Variants in MYO18B observed in about 807,000 individuals in gnomAD.
MYO18B encodes the protein unconventional myosin-XVIIIb.
A neutral mutation model predicts 273.0 loss-of-function variants in MYO18B; 204 were observed. The observed-to-expected ratio is 0.75, with a 90% confidence interval of 0.67 to 0.84. The LOEUF is 0.84. Ranked by LOEUF, MYO18B falls within the 40% of genes least tolerant of loss-of-function variation. The pLI is 0.00. For missense variants in MYO18B, 3,212 were observed against 3,287.6 expected (o/e 0.98, Z 0.56); for synonymous variants, 1,330 against 1,305.7 (o/e 1.02, Z -0.40).
intron 42 of MYO18B, among the ~76,000 whole-genome samples, chr22:26,009,673 T>C (rs1299770400): frequency 6.6e-6 from 1 of 152,144 alleles, no homozygotes; most frequent in African/African-American, 2.4e-5. Context: ...TTCATGGAAC[T>C]CTATCTGCTT....
intron 10 of MYO18B, among the ~76,000 whole-genome samples, chr22:25,783,075 T>A (rs8138167): frequency 0.53 from 80,052 of 152,082 alleles, 22,013 homozygotes; most frequent in East Asian, 0.61. Flanking sequence ...TAAAATATGA[T>A]CAGGCAGACA....
At chr22:26,017,889 A>G (rs1935488618) in intron 42 of MYO18B, among the ~76,000 whole-genome samples, 1 of 151,116 alleles carries the variant, frequency 6.6e-6, no homozygotes, top group Admixed American at 6.6e-5. Flanking sequence ...CTTATTATTA[A>G]CATCTTGCAT....
At chr22:25,779,950 T>C in intron 8 of MYO18B, 106 bp from the exon 9 acceptor site, 1 of 1,387,994 alleles carries the variant, frequency 7.2e-7, no homozygotes, top group Non-Finnish European at 9.5e-7. Flanking sequence ...GAGGCCAGGA[T>C]GGGGACTGGC....
intron 19 of MYO18B, among the ~76,000 whole-genome samples, chr22:25,846,521 G>T (rs1335669423): frequency 1.3e-5 from 2 of 152,214 alleles, no homozygotes; most frequent in African/African-American, 4.8e-5. Flanking sequence ...TGTGCTGCTT[G>T]GTGTTGAGTT....
chr22:25,955,448 G>A (rs1467594284), intron 39 of MYO18B, 84 bp downstream of exon 39: 3 of 1,422,194 alleles, frequency 2.1e-6, no homozygotes, highest in African/African-American at 2.8e-5. Flanking sequence ...TTCTGAATGG[G>A]AGACTCATAG....
intron 33 of MYO18B, among the ~76,000 whole-genome samples, chr22:25,918,524 C>G (rs1330635031): frequency 6.6e-6 from 1 of 152,132 alleles, no homozygotes; most frequent in African/African-American, 2.4e-5. Flanking sequence ...ATTTTTTGCC[C>G]TCCTCTCTGT....
intron 15 of MYO18B, among the ~76,000 whole-genome samples, chr22:25,831,659 A>G (rs1365741366): frequency 3.3e-5 from 5 of 152,212 alleles, no homozygotes; most frequent in Non-Finnish European, 7.3e-5. Context: ...CTTGGATTAC[A>G]GGCATGAGCC....
At chr22:25,823,360 G>A (rs2089355990) in intron 12 of MYO18B, 145 bp from the exon 13 acceptor site, 5 of 826,046 alleles carry the variant, frequency 6.1e-6, no homozygotes, top group Non-Finnish European at 9.3e-6. Flanking sequence ...TAGGGGCCCA[G>A]GCCTGGGCAG....
At chr22:26,031,343 A>G (rs1208129858), downstream of MYO18B, among the ~76,000 whole-genome samples, 1 of 152,122 alleles carries the variant, frequency 6.6e-6, no homozygotes, top group African/African-American at 2.4e-5. Context: ...GTGACAAAGT[A>G]CCATAGCTGG....
intron 39 of MYO18B, 119 bp from the exon 40 acceptor site, chr22:25,992,244 A>T (rs1325788493): frequency 7.9e-7 from 1 of 1,267,716 alleles, no homozygotes; most frequent in Non-Finnish European, 1.1e-6. Context: ...AGAACTTACC[A>T]CTTCATAGGT....
chr22:25,994,644 G>T (rs1232142929), intron 40 of MYO18B, among the ~76,000 whole-genome samples: 1 of 152,236 alleles, frequency 6.6e-6, no homozygotes, highest in Non-Finnish European at 1.5e-5. Context: ...GGCAAATCCT[G>T]ATCTTGCAGC....
At chr22:25,965,191 T>C (rs1046018618) in intron 39 of MYO18B, 2 of 152,252 alleles carry the variant, frequency 1.3e-5, no homozygotes, top group African/African-American at 4.8e-5. Flanking sequence ...ATATGGTTCA[T>C]GCATTATTTA....
the MYO18B span, among the ~76,000 whole-genome samples, chr22:26,055,056 C>T: frequency 6.6e-6 from 1 of 152,164 alleles, no homozygotes; most frequent in East Asian, 1.9e-4. Context: ...ACCCCTCAGG[C>T]TTCATTAGTG....
At chr22:25,890,925 G>C in intron 26 of MYO18B, 50 bp downstream of exon 26, 1 of 1,591,106 alleles carries the variant, frequency 6.3e-7, no homozygotes, top group African/African-American at 1.3e-5. Context: ...GGCTAAAAAT[G>C]GTTGGGTCTG....
Position 25,835,295 on chromosome 22 carries a change from G to A in MYO18B, c.3061-1G>A. The A allele has an allele frequency of 1.2e-6, 2 of 1,613,430 alleles. No homozygotes were observed. Among genetic ancestry groups the A allele is most frequent in the Non-Finnish European group, 1.7e-6 (2 of 1,179,676 alleles). ...TCAGTGAATCCTGGTTCTCCCAGCA[G>A]GTCCGCTTACCAGCTGGAGGAGGTG... On this transcript the variant is annotated splice_acceptor_variant, in intron 16 of 43. Coordinates refer to ENST00000335473, the MANE Select transcript of MYO18B (RefSeq NM_032608.7). LOFTEE classifies it high-confidence loss of function.
the MYO18B span, among the ~76,000 whole-genome samples, chr22:26,036,522 G>T: frequency 1.2e-4 from 19 of 152,206 alleles, no homozygotes; most frequent in African/African-American, 4.6e-4. Context: ...CTGCATGAAG[G>T]CCCAGTAGTC....
intron 21 of MYO18B, among the ~76,000 whole-genome samples, chr22:25,857,187 A>G (rs1248870939): frequency 6.6e-6 from 1 of 152,186 alleles, no homozygotes. Flanking sequence ...CAGGTCAGTG[A>G]AGGCACTCTT....
intron 43 of MYO18B, chr22:26,028,415 T>C (rs893937133): frequency 2.6e-5 from 4 of 152,168 alleles, no homozygotes; most frequent in Admixed American, 2.6e-4. Context: ...AGGGCCAAGT[T>C]GGAAGAGACC....
At chr22:25,762,692 A>G (rs133883) in intron 2 of MYO18B, among the ~76,000 whole-genome samples, 38,200 of 152,308 alleles carry the variant, frequency 0.25, 5,155 homozygotes, top group African/African-American at 0.34. Context: ...TGTCAGTTGA[A>G]TGGGTTGGAG....
Sources: allele counts gnomAD v4.1 joint callset (sites outside exome capture counted in the v4.1 genomes callset), GRCh38; gene constraint gnomAD v4.1.1; transcripts MANE v1.5; gene names NCBI Gene and HGNC (gene_info 2026-07-23, HGNC 2026-07-21).